Variants in SLIRP observed in about 807,000 individuals in gnomAD.
SLIRP encodes the protein SRA stem-loop interacting RNA binding protein, also known as SRA stem-loop-interacting RNA-binding protein, mitochondrial.
A neutral mutation model predicts 13.4 loss-of-function variants in SLIRP; 12 were observed. That is an observed-to-expected ratio of 0.89 (90% CI 0.57 to 1.45). SLIRP has a LOEUF of 1.45. Ranked by LOEUF, SLIRP falls within the 40% of genes most tolerant of loss-of-function variation. SLIRP has a pLI of 0.00. For missense variants in SLIRP, 154 were observed against 132.2 expected, an observed-to-expected ratio of 1.17 and a Z score of -0.81; for synonymous variants, 55 against 47.1, an observed-to-expected ratio of 1.17 and a Z score of -0.69.
intron 1 of SLIRP, 120 bp from the exon 2 acceptor site, chr14:77,710,718 T>A: frequency 6.3e-7 from 1 of 1,577,476 alleles, no homozygotes; most frequent in Non-Finnish European, 8.6e-7. Context: ...ATCTTAAGCC[T>A]TTAAGGAAAT....
At chr14:77,711,128 A>G (rs1447523673) in intron 2 of SLIRP, among the ~76,000 whole-genome samples, 1 of 151,498 alleles carries the variant, frequency 6.6e-6, no homozygotes, top group Admixed American at 6.6e-5. Flanking sequence ...TAGATACCCC[A>G]TGCTCCATGA....
At chr14:77,715,401 T>A (rs1353178783) in intron 2 of SLIRP, among the ~76,000 whole-genome samples, 1 of 152,110 alleles carries the variant, frequency 6.6e-6, no homozygotes, top group Non-Finnish European at 1.5e-5. Context: ...TTCACTACTT[T>A]GGGAGGCCCA....
chr14:77,710,598 G>A (rs1265373681), intron 1 of SLIRP: 3 of 1,497,940 alleles, frequency 2.0e-6, no homozygotes, highest in East Asian at 2.7e-5. Flanking sequence ...GAAAACACTC[G>A]ATATTTGCTG....
At chr14:77,710,226 G>C (rs1246503481) in intron 1 of SLIRP, among the ~76,000 whole-genome samples, 1 of 152,172 alleles carries the variant, frequency 6.6e-6, no homozygotes, top group African/African-American at 2.4e-5. Context: ...ATACTCAGTG[G>C]ATGTACTTGG....
At chr14:77,711,022 A>G (rs1344929636) in intron 2 of SLIRP, 126 bp downstream of exon 2, 1 of 811,116 alleles carries the variant, frequency 1.2e-6, no homozygotes, top group Non-Finnish European at 2.0e-6. Context: ...TACATTTTAA[A>G]ATAACTCAGA....
intron 2 of SLIRP, among the ~76,000 whole-genome samples, chr14:77,711,459 G>C (rs1384742023): frequency 6.6e-6 from 1 of 152,002 alleles, no homozygotes; most frequent in Non-Finnish European, 1.5e-5. Flanking sequence ...TGAGTAGCTG[G>C]GACTATAGAC....
At chr14:77,714,932 G>A (rs1413519990) in intron 2 of SLIRP, among the ~76,000 whole-genome samples, 2 of 152,156 alleles carry the variant, frequency 1.3e-5, no homozygotes, top group Admixed American at 1.3e-4. Context: ...TTTTCCGTAT[G>A]CGATGTATAG....
rs181696971 is a variant in SLIRP, at chr14:77,714,384, G to A, written c.157-1388G>A. Among the ~76,000 whole-genome samples the A allele has an allele frequency of 6.2e-3, 938 of 152,198 alleles. 10 individuals carry two copies. Among genetic ancestry groups the A allele is most frequent in the African/African-American group, 0.022 (908 of 41,516 alleles). Reference sequence around the variant, plus strand: ...GGCGTGATCTCAGCTCACTGCAATCGCTGCCTCCTGGGTTCAAGTGATCCC... The same window carrying A: ...GGCGTGATCTCAGCTCACTGCAATCACTGCCTCCTGGGTTCAAGTGATCCC... On this transcript the variant is annotated intron_variant, in intron 2 of 3. Coordinates refer to ENST00000557342, the MANE Select transcript of SLIRP (RefSeq NM_031210.6).
At chr14:77,711,345 T>A (rs1486672821) in intron 2 of SLIRP, among the ~76,000 whole-genome samples, 2 of 152,004 alleles carry the variant, frequency 1.3e-5, no homozygotes, top group African/African-American at 2.4e-5. Flanking sequence ...AAAATTCTTA[T>A]CTTGCAACAG....
intron 1 of SLIRP, among the ~76,000 whole-genome samples, chr14:77,708,703 A>G (rs918708287): frequency 2.6e-5 from 4 of 152,132 alleles, no homozygotes; most frequent in East Asian, 1.9e-4. Flanking sequence ...GAAAGGGAGA[A>G]ATGATTTCTG....
Position 77,711,102 on chromosome 14 carries a change from T to C in SLIRP, c.156+206T>C, listed in dbSNP as rs753364079. 1.3e-4 allele frequency among the ~76,000 whole-genome samples: 19 copies of C among 151,882 alleles called. No homozygotes were observed. In the Middle Eastern group the frequency reaches 0.027, roughly 219 times the overall value. Reference sequence around the variant, plus strand: ...GATGGATACCCCATAAGTCAAAGGATAAATGCTTGAGGGGATAGATACCCC... The same window carrying C: ...GATGGATACCCCATAAGTCAAAGGACAAATGCTTGAGGGGATAGATACCCC... On this transcript the variant is annotated intron_variant, in intron 2 of 3. Coordinates refer to ENST00000557342, the MANE Select transcript of SLIRP (RefSeq NM_031210.6).
In SLIRP at chr14:77,710,890, AC is replaced by A; in HGVS notation, c.152del (p.Pro51LeufsTer34). On this transcript the variant is annotated frameshift_variant, in exon 2 of 4. Transcript: ENST00000557342. LOFTEE classifies it high-confidence loss of function. ...TCGGCCATGTCAGAAGGTGCATTTT[AC>A]CTTTTGTAAGTATTAAGGAAAAGTA... ...QFGHVRRCIL[P>X]FDKETGFHRG... is the part of the protein sequence containing the mutation. 6.2e-7 allele frequency: 1 copy of A among 1,614,116 alleles called. No homozygotes were observed. The highest frequency in any genetic ancestry group is 1.1e-5 in the South Asian group (1 of 91,080).
At chr14:77,715,962 T>C in intron 3 of SLIRP, 83 bp downstream of exon 3, 1 of 1,044,510 alleles carries the variant, frequency 9.6e-7, no homozygotes, top group Non-Finnish European at 1.5e-6. Context: ...AGATCATAAA[T>C]GTGGAATGAT....
chr14:77,708,163 C>G lies in SLIRP; in HGVS notation c.52C>G (p.Gln18Glu), dbSNP rs779231938. 1.9e-6 allele frequency: 3 copies of G among 1,614,078 alleles called. No homozygotes were observed. In the African/African-American group the frequency reaches 4.0e-5, roughly 22 times the overall value. ...TGCGGCGCTGCGTAGAAGTATCAAT[C>G]AGCCGGTTGCTTTTGTGAGAAGAAT... is the stretch of plus-strand genomic sequence containing the variant. ...GAAALRRSIN[Q>E]PVAFVRRIPW... The change falls in exon 1 of 4, where the codon CAG becomes GAG. Residue 18 changes from glutamine (Q) to glutamate (E), a missense_variant. By Grantham distance (29) the Gln-to-Glu change is conservative. Coordinates refer to ENST00000557342, the MANE Select transcript of SLIRP (RefSeq NM_031210.6).
Position 77,708,194 on chromosome 14 carries a change from G to C in SLIRP, c.83G>C (p.Trp28Ser). Residue 28 changes from tryptophan (W) to serine (S), a missense_variant, in exon 1 of 4, where the codon TGG (tryptophan) becomes TCG (serine). Physicochemically the swap from Trp to Ser is radical, Grantham distance 177 (BLOSUM62 -3). Coordinates refer to ENST00000557342, the MANE Select transcript of SLIRP (RefSeq NM_031210.6). ...QPVAFVRRIPWTAASSQLKEH... is the reference protein window; with the variant it reads ...QPVAFVRRIPSTAASSQLKEH... Reference sequence around the variant, plus strand: ...GTTGCTTTTGTGAGAAGAATTCCTTGGACTGCGGCGTCGAGTGAGTGATGG... The same window carrying C: ...GTTGCTTTTGTGAGAAGAATTCCTTCGACTGCGGCGTCGAGTGAGTGATGG... 1.2e-6 allele frequency: 2 copies of C among 1,614,172 alleles called. No individual in the cohort carries two copies. Among genetic ancestry groups the C allele is most frequent in the Non-Finnish European group, 1.7e-6 (2 of 1,180,028 alleles).
chr14:77,710,318 A>G (rs2080430291), intron 1 of SLIRP, among the ~76,000 whole-genome samples: 1 of 152,312 alleles, frequency 6.6e-6, no homozygotes, highest in African/African-American at 2.4e-5. Flanking sequence ...GGAGAGAACA[A>G]CATATGCAAA....
At chr14:77,716,642 C>CAA (rs56736320) in intron 3 of SLIRP, among the ~76,000 whole-genome samples, 54 of 80,938 alleles carry the variant, frequency 6.7e-4, no homozygotes, top group African/African-American at 1.8e-3. Context: ...AACTCCATCT[C>CAA]AAAAAAAAAA....
intron 3 of SLIRP, 115 bp downstream of exon 3, chr14:77,715,994 A>G (rs533599085): frequency 1.2e-6 from 1 of 869,346 alleles, no homozygotes; most frequent in South Asian, 1.7e-5. Context: ...GAGATTTGTA[A>G]CTGAAGCTGC....
intron 1 of SLIRP, among the ~76,000 whole-genome samples, chr14:77,709,501 T>G (rs1283581808): frequency 6.6e-6 from 1 of 152,244 alleles, no homozygotes; most frequent in African/African-American, 2.4e-5. Context: ...GGATGCAAGT[T>G]TCCAGACAAT....
Sources: gnomAD v4.1 joint callset for allele counts (sites outside exome capture counted in the v4.1 genomes callset) on GRCh38, gnomAD v4.1.1 for gene constraint, MANE v1.5 for transcripts, NCBI Gene and HGNC (gene_info 2026-07-23, HGNC 2026-07-21) for gene names.